KIF16B: variants seen among roughly 807,000 people sequenced by gnomAD.
The protein encoded by KIF16B is kinesin family member 16B, also known as kinesin-like protein KIF16B.
A neutral mutation model predicts 156.3 loss-of-function variants in KIF16B; 98 were observed. That is an observed-to-expected ratio of 0.63 (90% CI 0.53 to 0.74). The LOEUF is 0.74. KIF16B is among the 30% of genes least tolerant of loss of function. The pLI, the probability that KIF16B is intolerant of heterozygous loss-of-function variation, is 0.00. For synonymous variants in KIF16B, 564 were observed against 583.7 expected (o/e 0.97, Z 0.49); for missense variants, 1,421 against 1,606.5 (o/e 0.88, Z 1.97).
intron 1 of KIF16B, among the ~76,000 whole-genome samples, chr20:16,555,583 T>C (rs1000607120): frequency 2.0e-5 from 3 of 152,260 alleles, no homozygotes; most frequent in Non-Finnish European, 4.4e-5. Context: ...AAGCACTTAA[T>C]GTCTGCTGAC....
chr20:16,546,722 A>T (rs1312012399), intron 1 of KIF16B, among the ~76,000 whole-genome samples: 1 of 152,212 alleles, frequency 6.6e-6, no homozygotes, highest in African/African-American at 2.4e-5. Flanking sequence ...CACAATTCAT[A>T]AAGATAAGGC....
chr20:16,506,445 G>C (rs1034818573), intron 7 of KIF16B, among the ~76,000 whole-genome samples: 1 of 152,164 alleles, frequency 6.6e-6, no homozygotes, highest in Non-Finnish European at 1.5e-5. Flanking sequence ...GCTGAATCAG[G>C]CTGTGGCAGA....
At chr20:16,336,460 C>A (rs2064039289) in intron 23 of KIF16B, among the ~76,000 whole-genome samples, 1 of 152,146 alleles carries the variant, frequency 6.6e-6, no homozygotes, top group South Asian at 2.1e-4. Context: ...CTCTGTTGCA[C>A]ATCAGCTCAC....
rs576535146 is a variant in KIF16B at position 16,443,401 on chromosome 20, T to C, written c.1303-13419A>G. Among the ~76,000 whole-genome samples, 6 of 152,300 alleles carry C rather than the reference T, an allele frequency of 3.9e-5. No individual in the cohort carries two copies. The South Asian group carries it at 1.0e-3, about 26-fold the overall frequency. On this transcript the variant is annotated intron_variant, in intron 12 of 25. Coordinates refer to ENST00000354981, the MANE Select transcript of KIF16B (RefSeq NM_024704.5). The stretch of plus-strand genomic sequence containing the variant: ...ACAGGACAGGTGACTGAATAAATTG[T>C]CCTCTATGAACCCAAAGAGTTAATA...
intron 1 of KIF16B, among the ~76,000 whole-genome samples, chr20:16,570,593 T>A (rs948653138): frequency 6.6e-6 from 1 of 152,200 alleles, no homozygotes; most frequent in Non-Finnish European, 1.5e-5. Context: ...GTTGCCAATT[T>A]ATATATCTCT....
intron 25 of KIF16B, among the ~76,000 whole-genome samples, chr20:16,305,289 TA>T (rs370494658): frequency 6.7e-6 from 1 of 149,944 alleles, no homozygotes; most frequent in East Asian, 2.0e-4. Context: ...AAACTAAAAA[TA>T]AAAAAAAAGA....
intron 1 of KIF16B, among the ~76,000 whole-genome samples, chr20:16,557,147 C>CTA (rs748439541): frequency 2.5e-4 from 29 of 114,390 alleles, no homozygotes; most frequent in South Asian, 7.3e-4. Flanking sequence ...TATATTAATA[C>CTA]TATATATATA....
chr20:16,308,739 T>C (rs957020366), intron 25 of KIF16B, among the ~76,000 whole-genome samples: 1 of 152,246 alleles, frequency 6.6e-6, no homozygotes, highest in Non-Finnish European at 1.5e-5. Flanking sequence ...ATGTGAAGCA[T>C]ATGAAATTGC....
chr20:16,355,447 C>T (rs1026778775), intron 23 of KIF16B, among the ~76,000 whole-genome samples: 1 of 152,200 alleles, frequency 6.6e-6, no homozygotes, highest in African/African-American at 2.4e-5. Flanking sequence ...AGCGGGGTCA[C>T]AGTCTACAGA....
intron 12 of KIF16B, among the ~76,000 whole-genome samples, chr20:16,443,549 AATCAATTTGGCCTGG>A (rs2066858540): frequency 1.3e-5 from 2 of 152,210 alleles, no homozygotes; most frequent in South Asian, 4.1e-4. Flanking sequence ...CCAAACCTCT[AATCAATTTGGCCTGG>A]ATATAAATGT....
At chr20:16,564,568 C>T (rs530932847) in intron 1 of KIF16B, among the ~76,000 whole-genome samples, 11 of 151,374 alleles carry the variant, frequency 7.3e-5, no homozygotes, top group African/African-American at 2.2e-4. Context: ...TGTTAAATGA[C>T]GAGTTAATGG....
Position 16,379,242 on chromosome 20 carries a change from C to A in KIF16B, c.2760G>T (p.Leu920=). ...QYLLQNHLPT[L]LEEKQRAFEI... ...CAAATGCTCTCTGCTTTTCTTCCAACAGAGTTGGCAAGTGATTCTGCAGGA... is the reference window on the plus strand; with the variant it reads ...CAAATGCTCTCTGCTTTTCTTCCAAAAGAGTTGGCAAGTGATTCTGCAGGA... Residue 920 remains leucine, a synonymous_variant, in exon 19 of 26, where the codon CTG becomes CTT. Coordinates refer to ENST00000354981, the MANE Select transcript of KIF16B (RefSeq NM_024704.5). The A allele has an allele frequency of 6.2e-7, 1 of 1,614,148 alleles. No homozygotes were observed. The highest frequency in any genetic ancestry group is 8.5e-7 in the Non-Finnish European group (1 of 1,180,036).
intron 25 of KIF16B, among the ~76,000 whole-genome samples, chr20:16,288,864 A>G (rs980529274): frequency 8.6e-5 from 13 of 151,918 alleles, no homozygotes; most frequent in Non-Finnish European, 1.9e-4. Flanking sequence ...TCTGTATGGT[A>G]TGTACCTTAG....
chr20:16,317,857 A>C (rs536588394), intron 24 of KIF16B, among the ~76,000 whole-genome samples: 1 of 152,334 alleles, frequency 6.6e-6, no homozygotes, highest in South Asian at 2.1e-4. Context: ...ATTCCACTCA[A>C]GGAGGAAGGC....
intron 10 of KIF16B, among the ~76,000 whole-genome samples, chr20:16,498,371 A>G (rs1287931750): frequency 1.3e-5 from 2 of 152,030 alleles, no homozygotes; most frequent in Non-Finnish European, 2.9e-5. Context: ...ATGGCCTAAG[A>G]TATCCCTTGG....
intron 12 of KIF16B, among the ~76,000 whole-genome samples, chr20:16,444,827 G>A (rs2066890284): frequency 6.6e-6 from 1 of 152,160 alleles, no homozygotes; most frequent in South Asian, 2.1e-4. Flanking sequence ...ACCTTTCAGT[G>A]CTAGCTGAGA....
intron 7 of KIF16B, among the ~76,000 whole-genome samples, chr20:16,507,366 T>C (rs1372387523): frequency 6.6e-6 from 1 of 152,172 alleles, no homozygotes; most frequent in African/African-American, 2.4e-5. Flanking sequence ...TCCTAGCATA[T>C]ACTTAGACCC....
chr20:16,482,371 A>T (rs1405327006), intron 12 of KIF16B, among the ~76,000 whole-genome samples: 1 of 152,058 alleles, frequency 6.6e-6, no homozygotes, highest in Non-Finnish European at 1.5e-5. Flanking sequence ...TGTGATACAA[A>T]CGGAGGGCAA....
chr20:16,469,254 T>TA (rs57114751), intron 12 of KIF16B, among the ~76,000 whole-genome samples: 4,040 of 66,022 alleles, frequency 0.061, 320 homozygotes, highest in East Asian at 0.2. Flanking sequence ...CCCTGTGTCT[T>TA]AAAAAAAAAA....
Sources: gnomAD v4.1 joint callset for allele counts (sites outside exome capture counted in the v4.1 genomes callset) on GRCh38, gnomAD v4.1.1 for gene constraint, MANE v1.5 for transcripts, NCBI Gene and HGNC (gene_info 2026-07-23, HGNC 2026-07-21) for gene names.